FSTL4: variants seen among roughly 807,000 people sequenced by gnomAD.
FSTL4 encodes the protein follistatin-related protein 4.
In FSTL4, 28 loss-of-function variants were observed where a neutral mutation model predicts 78.2. The ratio of observed to expected loss-of-function variants is 0.36; its 90% CI spans 0.27 to 0.49. FSTL4 has a LOEUF of 0.49. Ranked by LOEUF, FSTL4 falls within the 20% of genes least tolerant of loss-of-function variation. The pLI is 0.98. For synonymous variants in FSTL4, 422 were observed against 440.5 expected (o/e 0.96, Z 0.53); for missense variants, 922 against 1,084.9 (o/e 0.85, Z 2.11).
intron 4 of FSTL4, among the ~76,000 whole-genome samples, chr5:133,353,080 C>T (rs962265652): frequency 4.6e-5 from 7 of 152,076 alleles, no homozygotes; most frequent in African/African-American, 1.7e-4. Context: ...TGGAATTTAC[C>T]TTAAAATATC....
the FSTL4 span, among the ~76,000 whole-genome samples, chr5:133,689,481 C>T: frequency 6.6e-6 from 1 of 152,174 alleles, no homozygotes; most frequent in Non-Finnish European, 1.5e-5. Flanking sequence ...TCAATGTATT[C>T]AGGTACAGTA....
the FSTL4 span, among the ~76,000 whole-genome samples, chr5:133,754,976 C>T: frequency 6.6e-6 from 1 of 152,126 alleles, no homozygotes; most frequent in African/African-American, 2.4e-5. Flanking sequence ...CCCCACTTCC[C>T]ACCCTTCCTT....
chr5:133,841,946 G>A, the FSTL4 span, among the ~76,000 whole-genome samples: 1 of 152,234 alleles, frequency 6.6e-6, no homozygotes, highest in Non-Finnish European at 1.5e-5. Flanking sequence ...GGGGTCTAGG[G>A]CTTACCTGTC....
At chr5:133,676,169 A>G in the FSTL4 span, among the ~76,000 whole-genome samples, 1 of 152,244 alleles carries the variant, frequency 6.6e-6, no homozygotes, top group Admixed American at 6.5e-5. Flanking sequence ...TCTGCACATT[A>G]TATTTGTTTT....
At chr5:133,490,133 G>T (rs987727576) in intron 3 of FSTL4, among the ~76,000 whole-genome samples, 7 of 144,288 alleles carry the variant, frequency 4.9e-5, no homozygotes, top group Non-Finnish European at 9.1e-5. Context: ...TTGCCTCATT[G>T]TTTTTTTTTT....
the FSTL4 span, among the ~76,000 whole-genome samples, chr5:133,838,583 T>C: frequency 6.6e-5 from 10 of 152,178 alleles, no homozygotes; most frequent in Non-Finnish European, 1.2e-4. Flanking sequence ...AAGACTCAAA[T>C]TGCTAAAAAC....
the FSTL4 span, among the ~76,000 whole-genome samples, chr5:133,749,620 T>C: frequency 6.6e-6 from 1 of 152,214 alleles, no homozygotes; most frequent in East Asian, 1.9e-4. Flanking sequence ...CATTTTGCCC[T>C]TTCCAAAGCC....
chr5:133,409,108 G>C (rs1237756855), intron 3 of FSTL4, among the ~76,000 whole-genome samples: 1 of 152,152 alleles, frequency 6.6e-6, no homozygotes, highest in African/African-American at 2.4e-5. Flanking sequence ...CTTGCGCCAG[G>C]GCTTCACTGG....
intron 3 of FSTL4, among the ~76,000 whole-genome samples, chr5:133,494,356 T>G (rs1374568885): frequency 6.6e-6 from 1 of 152,154 alleles, no homozygotes; most frequent in Non-Finnish European, 1.5e-5. Context: ...GATATCTTTT[T>G]TTTTTTTTTT....
chr5:133,317,230 C>T (rs550724626), intron 4 of FSTL4, among the ~76,000 whole-genome samples: 4 of 152,340 alleles, frequency 2.6e-5, no homozygotes, highest in East Asian at 3.9e-4. Flanking sequence ...ACGTTAAAAC[C>T]GAAGCACACA....
chr5:133,748,631 A>C, the FSTL4 span, among the ~76,000 whole-genome samples: 1 of 152,180 alleles, frequency 6.6e-6, no homozygotes. Context: ...GGTGATTTGC[A>C]ACCCCTCCCC....
intron 3 of FSTL4, among the ~76,000 whole-genome samples, chr5:133,521,279 G>A (rs1758976272): frequency 6.6e-6 from 1 of 152,190 alleles, no homozygotes; most frequent in Non-Finnish European, 1.5e-5. Flanking sequence ...AAACCTCAGA[G>A]ATTCAGCTGA....
chr5:133,797,528 T>C, the FSTL4 span, among the ~76,000 whole-genome samples: 1 of 152,220 alleles, frequency 6.6e-6, no homozygotes, highest in Non-Finnish European at 1.5e-5. Context: ...TGCTGGTCAG[T>C]TGTGCCTAAA....
At chr5:133,466,308 C>A (rs569026081) in intron 3 of FSTL4, among the ~76,000 whole-genome samples, 3 of 152,090 alleles carry the variant, frequency 2.0e-5, no homozygotes, top group Non-Finnish European at 4.4e-5. Context: ...TTTGGGAGGC[C>A]GAGGCGGGCA....
intron 3 of FSTL4, among the ~76,000 whole-genome samples, chr5:133,560,695 TA>T (rs1461655007): frequency 6.6e-6 from 1 of 151,156 alleles, no homozygotes; most frequent in African/African-American, 2.4e-5. Context: ...GGCACCATCT[TA>T]AAGGCTTAGT....
intron 3 of FSTL4, among the ~76,000 whole-genome samples, chr5:133,558,313 G>A (rs2112934957): frequency 6.6e-6 from 1 of 152,304 alleles, no homozygotes; most frequent in Middle Eastern, 3.4e-3. Flanking sequence ...TATTGTTTTT[G>A]AGGCACTGAT....
At chr5:133,835,472 T>C in the FSTL4 span, among the ~76,000 whole-genome samples, 1 of 152,212 alleles carries the variant, frequency 6.6e-6, no homozygotes, top group South Asian at 2.1e-4. Context: ...TGAAATTTGT[T>C]CAGGTAGTTA....
chr5:133,815,102 T>C, the FSTL4 span, among the ~76,000 whole-genome samples: 13 of 152,288 alleles, frequency 8.5e-5, 1 homozygote, highest in East Asian at 2.5e-3. Context: ...CACTCTAGGA[T>C]AAGACCCGTG....
chr5:133,483,255 T>C (rs1758065744), intron 3 of FSTL4, among the ~76,000 whole-genome samples: 1 of 152,222 alleles, frequency 6.6e-6, no homozygotes, highest in African/African-American at 2.4e-5. Flanking sequence ...CCATTAAATC[T>C]CTTTTTCTTT....
Sources: gnomAD v4.1 joint callset for allele counts (sites outside exome capture counted in the v4.1 genomes callset) on GRCh38, gnomAD v4.1.1 for gene constraint, MANE v1.5 for transcripts, NCBI Gene and HGNC (gene_info 2026-07-23, HGNC 2026-07-21) for gene names.